The following TTC6 variants were observed in gnomAD, a reference collection of about 807,000 sequenced individuals.
TTC6 encodes tetratricopeptide repeat protein 6.
TTC6 carries 172 observed loss-of-function variants against 210.4 expected under a neutral mutation model. The ratio of observed to expected loss-of-function variants is 0.82; its 90% confidence interval spans 0.72 to 0.93. TTC6 has a LOEUF of 0.93. Ranked by LOEUF, TTC6 falls within the 40% of genes least tolerant of loss-of-function variation. The pLI is 0.00. For synonymous variants in TTC6, 804 were observed against 819.6 expected (o/e 0.98, Z 0.32); for missense variants, 2,414 against 2,318.1 (o/e 1.04, Z -0.85).
chr14:37,604,964 A>G (rs1249960739), intron 1 of TTC6, among the ~76,000 whole-genome samples: 1 of 152,198 alleles, frequency 6.6e-6, no homozygotes, highest in Non-Finnish European at 1.5e-5. Context: ...AAATTCCCTA[A>G]AAGTTTCTTC....
intron 29 of TTC6, among the ~76,000 whole-genome samples, chr14:37,833,418 A>G (rs2096190666): frequency 1.3e-5 from 2 of 152,266 alleles, no homozygotes; most frequent in African/African-American, 4.8e-5. Flanking sequence ...TTTGTTTGAT[A>G]TAACTCCTTG....
chr14:37,635,272 T>C (rs1419099139), intron 1 of TTC6, among the ~76,000 whole-genome samples: 1 of 152,166 alleles, frequency 6.6e-6, no homozygotes, highest in Non-Finnish European at 1.5e-5. Flanking sequence ...GTGCTAATGG[T>C]ACTGGTATCA....
intron 4 of TTC6, among the ~76,000 whole-genome samples, chr14:37,697,818 G>T (rs1287328666): frequency 1.3e-5 from 2 of 152,138 alleles, no homozygotes; most frequent in Admixed American, 1.3e-4. Flanking sequence ...GTTACTGTCA[G>T]ATTATCAATG....
chr14:37,750,152 CTT>C (rs1249433497), intron 12 of TTC6, among the ~76,000 whole-genome samples: 1 of 152,208 alleles, frequency 6.6e-6, no homozygotes, highest in East Asian at 1.9e-4. Context: ...ACAAATCACT[CTT>C]TGATTTGTGT....
intron 29 of TTC6, among the ~76,000 whole-genome samples, chr14:37,836,551 C>T (rs1380182566): frequency 6.6e-6 from 1 of 151,950 alleles, no homozygotes; most frequent in Non-Finnish European, 1.5e-5. Flanking sequence ...TTAAGTATAA[C>T]TCTATTCCTT....
At chr14:37,619,638 C>A (rs1331795374), upstream of TTC6, among the ~76,000 whole-genome samples, 1 of 152,052 alleles carries the variant, frequency 6.6e-6, no homozygotes, top group Admixed American at 6.6e-5. Context: ...TATAATATAA[C>A]TAATATTATA....
intron 10 of TTC6, among the ~76,000 whole-genome samples, chr14:37,742,098 C>A (rs1411720060): frequency 6.6e-6 from 1 of 152,170 alleles, no homozygotes; most frequent in East Asian, 1.9e-4. Flanking sequence ...TGATCTCTAC[C>A]AACGTTCTGT....
At chr14:37,732,779 A>G (rs11625956) in intron 7 of TTC6, among the ~76,000 whole-genome samples, 65,166 of 151,152 alleles carry the variant, frequency 0.43, 15,167 homozygotes, top group Non-Finnish European at 0.53. Flanking sequence ...CACCACGCCC[A>G]GCTAATTTTT....
At chr14:37,769,729 T>A (rs1040576675) in intron 14 of TTC6, among the ~76,000 whole-genome samples, 20 of 151,126 alleles carry the variant, frequency 1.3e-4, no homozygotes, top group African/African-American at 4.6e-4. Flanking sequence ...GTCTATCAAT[T>A]TTGTTGATCC....
At position 37,771,224 on chromosome 14, in the gene TTC6, G is replaced by A. The variant is rs151000278; in HGVS notation, c.3267-16244G>A. Among the ~76,000 whole-genome samples the A allele has an allele frequency of 3.3e-5, 5 of 152,240 alleles. No homozygotes were observed. The East Asian group carries it at 7.7e-4, about 24-fold the overall frequency. ...GAGGGTAACCCGACCTTTCTGTCTG[G>A]CTGCACTTAACATTTTTTCCTTCAT... is the stretch of plus-strand genomic sequence containing the variant. On this transcript the variant is annotated intron_variant, in intron 14 of 30. Coordinates refer to ENST00000553443, the Ensembl canonical transcript of TTC6.
chr14:37,676,178 G>C (rs1404410143), intron 1 of TTC6, among the ~76,000 whole-genome samples: 3 of 152,092 alleles, frequency 2.0e-5, no homozygotes, highest in African/African-American at 7.2e-5. Flanking sequence ...AAATGCCAAA[G>C]TTGTTGACAC....
chr14:37,787,026 A>G (rs2096069380), intron 14 of TTC6, among the ~76,000 whole-genome samples: 1 of 152,156 alleles, frequency 6.6e-6, no homozygotes. Context: ...ATTTGGATGT[A>G]TCTTCAAGCT....
chr14:37,734,632 C>T (rs140311583), intron 7 of TTC6, among the ~76,000 whole-genome samples: 2,539 of 152,218 alleles, frequency 0.017, 35 homozygotes, highest in Middle Eastern at 0.034. Context: ...GAAACTGTTT[C>T]CATTTCTGTT....
At chr14:37,673,868 G>A (rs1004519340) in intron 1 of TTC6, among the ~76,000 whole-genome samples, 1 of 152,110 alleles carries the variant, frequency 6.6e-6, no homozygotes, top group African/African-American at 2.4e-5. Context: ...CCAGGATTGC[G>A]AAGTTGGATT....
chr14:37,713,217 C>T (rs1018044727), intron 5 of TTC6, among the ~76,000 whole-genome samples: 1 of 152,190 alleles, frequency 6.6e-6, no homozygotes, highest in Non-Finnish European at 1.5e-5. Context: ...CAGAAGAACT[C>T]AACATTGTCA....
chr14:37,795,800 A>C (rs1029321358), intron 18 of TTC6, among the ~76,000 whole-genome samples: 3 of 152,162 alleles, frequency 2.0e-5, no homozygotes, highest in African/African-American at 7.2e-5. Flanking sequence ...TCCATGCAGT[A>C]TTTCAAATGC....
intron 5 of TTC6, among the ~76,000 whole-genome samples, chr14:37,702,452 A>G (rs1187406146): frequency 1.3e-5 from 2 of 152,154 alleles, no homozygotes; most frequent in Admixed American, 6.6e-5. Context: ...CTTTAATCAC[A>G]CTGTGCTCCC....
intron 14 of TTC6, among the ~76,000 whole-genome samples, chr14:37,764,991 A>G (rs1014000256): frequency 3.3e-5 from 5 of 151,116 alleles, no homozygotes; most frequent in Admixed American, 6.6e-5. Flanking sequence ...CTTTTACTGT[A>G]TAATTTTTAG....
chr14:37,834,376 C>G (rs2096193060), intron 29 of TTC6, among the ~76,000 whole-genome samples: 1 of 151,880 alleles, frequency 6.6e-6, no homozygotes. Context: ...TGTTTTTATT[C>G]TTTTTATTAT....
Sources: gnomAD v4.1 joint callset for allele counts (sites outside exome capture counted in the v4.1 genomes callset) on GRCh38, gnomAD v4.1.1 for gene constraint, MANE v1.5 for transcripts, NCBI Gene and HGNC (gene_info 2026-07-23, HGNC 2026-07-21) for gene names.